The following TBXAS1 variants were observed in gnomAD, a reference collection of about 807,000 sequenced individuals.
TBXAS1 encodes thromboxane-A synthase.
Under a neutral mutation model 60.7 loss-of-function variants are expected in TBXAS1, and 48 were observed. The ratio of observed to expected loss-of-function variants is 0.79; its 90% CI spans 0.63 to 1.01. The LOEUF is 1.01. Among genes scored for constraint, TBXAS1 ranks in the 50% least tolerant of loss-of-function variants. The pLI, the probability that TBXAS1 is intolerant of heterozygous loss-of-function variation, is 0.00. For synonymous variants in TBXAS1, 287 were observed against 269.7 expected (o/e 1.06, Z -0.63); for missense variants, 685 against 686.3 (o/e 1.00, Z 0.02).
chr7:139,850,035 C>T (rs1007534913), intron 1 of TBXAS1, among the ~76,000 whole-genome samples: 2 of 152,220 alleles, frequency 1.3e-5, no homozygotes, highest in Non-Finnish European at 1.5e-5. Flanking sequence ...CTTGCCCTTC[C>T]GGAAACCACC....
At chr7:139,952,361 A>T (rs1455488045) in intron 5 of TBXAS1, among the ~76,000 whole-genome samples, 1 of 152,222 alleles carries the variant, frequency 6.6e-6, no homozygotes, top group Non-Finnish European at 1.5e-5. Context: ...AAAAATGAAG[A>T]AACAGACTAA....
At chr7:139,849,367 TC>T (rs140446971) in intron 1 of TBXAS1, among the ~76,000 whole-genome samples, 1 of 144,130 alleles carries the variant, frequency 6.9e-6, no homozygotes, top group East Asian at 2.0e-4. Context: ...AAGACCCTGT[TC>T]CCCCAAAAAA....
In TBXAS1 at chr7:140,008,650, C is replaced by T. The variant is rs891799792; in HGVS notation, c.1226+1468C>T. Among the ~76,000 whole-genome samples the T allele has an allele frequency of 1.6e-4, 24 of 151,852 alleles. 1 individual carries two copies. Among genetic ancestry groups the T allele is most frequent in the East Asian group, 1.9e-4 (1 of 5,184 alleles). ...TTTTAGTAGAGACGGGGTTTCACCA[C>T]GTTGGCCAGGCTGGTCTCAAACTCC... On this transcript the variant is annotated intron_variant, in intron 10 of 12. Coordinates refer to ENST00000448866, the MANE Select transcript of TBXAS1 (RefSeq NM_001061.7).
chr7:139,945,919 C>T lies in TBXAS1; in HGVS notation c.451-7449C>T, dbSNP rs115452552. On this transcript the variant is annotated intron_variant, in intron 5 of 12. Transcript: ENST00000448866. ...AGATCTGCTTCTAAGCCTCATCACA[C>T]GGTTATTAGCAGGATTCAATTCGTA... Among the ~76,000 whole-genome samples the T allele has an allele frequency of 3.6e-3, 543 of 152,292 alleles. 4 individuals are homozygous for T. The highest frequency in any genetic ancestry group is 0.012 in the African/African-American group (519 of 41,554).
intron 3 of TBXAS1, among the ~76,000 whole-genome samples, chr7:139,880,619 G>A (rs1802623899): frequency 6.6e-6 from 1 of 152,084 alleles, no homozygotes; most frequent in Non-Finnish European, 1.5e-5. Flanking sequence ...TTCATTAATG[G>A]TATTTGGGAA....
chr7:139,993,892 C>CTTTTTTTTTTTTTTT (rs71170931), intron 9 of TBXAS1, among the ~76,000 whole-genome samples: 7 of 111,708 alleles, frequency 6.3e-5, no homozygotes, highest in African/African-American at 7.5e-5. Flanking sequence ...TTCTTTCTTT[C>CTTTTTTTTTTTTTTT]TTTTTTTTTT....
chr7:139,951,668 G>A lies in TBXAS1; in HGVS notation c.451-1700G>A, dbSNP rs192462334. 2.2e-3 allele frequency among the ~76,000 whole-genome samples: 332 copies of A among 148,200 alleles called. 2 individuals carry two copies. Among genetic ancestry groups the A allele is most frequent in the African/African-American group, 7.5e-3 (299 of 39,876 alleles). On this transcript the variant is annotated intron_variant, in intron 5 of 12. Transcript: ENST00000448866. The stretch of plus-strand genomic sequence containing the variant: ...CACACCTGTAATCCCAGCTACTTGG[G>A]AGGCTGAAGCAGGAGAATCACTTGA...
chr7:139,821,976 C>T (rs1393577934), intron 4 of TBXAS1, among the ~76,000 whole-genome samples: 2 of 152,180 alleles, frequency 1.3e-5, no homozygotes, highest in Non-Finnish European at 2.9e-5. Flanking sequence ...AATCACAGAC[C>T]TCGTGTATTG....
At chr7:139,873,878 A>G (rs1246279964) in intron 2 of TBXAS1, among the ~76,000 whole-genome samples, 1 of 152,156 alleles carries the variant, frequency 6.6e-6, no homozygotes, top group Non-Finnish European at 1.5e-5. Flanking sequence ...CAAGCCAAAC[A>G]AAGGCAGGAA....
intron 1 of TBXAS1, among the ~76,000 whole-genome samples, chr7:139,843,632 A>G (rs896965793): frequency 6.6e-6 from 1 of 152,168 alleles, no homozygotes; most frequent in Non-Finnish European, 1.5e-5. Context: ...CATGAGCCAC[A>G]GTGCCCGGCC....
chr7:139,817,321 G>T (rs1569493954), intron 4 of TBXAS1, among the ~76,000 whole-genome samples: 1 of 151,734 alleles, frequency 6.6e-6, no homozygotes, highest in Non-Finnish European at 1.5e-5. Flanking sequence ...ACCTGTACAT[G>T]CATGCACACG....
intron 9 of TBXAS1, among the ~76,000 whole-genome samples, chr7:139,970,493 A>T (rs1569520986): frequency 6.6e-6 from 1 of 152,234 alleles, no homozygotes; most frequent in Non-Finnish European, 1.5e-5. Context: ...CAGGTTCTGA[A>T]CCATACGTAC....
chr7:139,844,365 C>G (rs1437665687), intron 1 of TBXAS1, among the ~76,000 whole-genome samples: 1 of 152,144 alleles, frequency 6.6e-6, no homozygotes, highest in Non-Finnish European at 1.5e-5. Flanking sequence ...CCCCATAGAT[C>G]CTATGTTCTG....
chr7:139,833,191 A>G (rs1444536715), intron 1 of TBXAS1, among the ~76,000 whole-genome samples: 1 of 152,250 alleles, frequency 6.6e-6, no homozygotes, highest in East Asian at 1.9e-4. Flanking sequence ...CTTAAAAGAT[A>G]CAGAACTGCA....
At chr7:139,786,724 G>A (rs1797213476) in intron 3 of TBXAS1, among the ~76,000 whole-genome samples, 1 of 152,172 alleles carries the variant, frequency 6.6e-6, no homozygotes, top group Non-Finnish European at 1.5e-5. Flanking sequence ...TAAGTCAGTT[G>A]CAGCAAATCA....
intron 1 of TBXAS1, among the ~76,000 whole-genome samples, chr7:139,860,351 C>T (rs1800876600): frequency 6.6e-6 from 1 of 152,114 alleles, no homozygotes; most frequent in African/African-American, 2.4e-5. Flanking sequence ...ACCCCAGACA[C>T]TTCTTCTTTT....
intron 10 of TBXAS1, among the ~76,000 whole-genome samples, chr7:140,009,453 C>T (rs73734177): frequency 0.016 from 2,411 of 152,212 alleles, 57 homozygotes; most frequent in African/African-American, 0.052. Flanking sequence ...AGTGCCCGCT[C>T]AGCTGCCTGC....
At chr7:139,781,817 A>G (rs1797001862) in intron 2 of TBXAS1, among the ~76,000 whole-genome samples, 1 of 146,726 alleles carries the variant, frequency 6.8e-6, no homozygotes. Context: ...AGCCTAGGCA[A>G]CAAGAGCTAA....
At position 139,962,109 on chromosome 7, in the gene TBXAS1, T is replaced by A. The variant is rs1399815008; in HGVS notation, c.1010T>A (p.Ile337Asn). ...TVDEIVGQAF[I>N]FLIAGYEIIT... ...GATGAGATTGTGGGCCAGGCCTTCA[T>A]CTTCCTCATCGCTGGCTATGAAATC... The change falls in exon 9 of 13, where the codon ATC (isoleucine) becomes AAC (asparagine). Residue 337 changes from isoleucine (I) to asparagine (N), a missense_variant. Transcript: ENST00000448866. 6.2e-7 allele frequency: 1 copy of A among 1,614,224 alleles called. No individual in the cohort carries two copies. The highest frequency in any genetic ancestry group is 1.1e-5 in the South Asian group (1 of 91,082).
Sources: allele counts gnomAD v4.1 joint callset (sites outside exome capture counted in the v4.1 genomes callset), GRCh38; gene constraint gnomAD v4.1.1; transcripts MANE v1.5; gene names NCBI Gene and HGNC (gene_info 2026-07-23, HGNC 2026-07-21).